The following LAMA4 variants were observed in gnomAD, a reference collection of about 807,000 sequenced individuals.
LAMA4 encodes the protein laminin subunit alpha 4.
In LAMA4, 127 loss-of-function variants were observed where a neutral mutation model predicts 207.1. The ratio of observed to expected loss-of-function variants is 0.61; its 90% CI spans 0.53 to 0.71. LAMA4 has a LOEUF of 0.71. Among genes scored for constraint, LAMA4 ranks in the 30% least tolerant of loss-of-function variants. The pLI is 0.00. For missense variants in LAMA4, 2,093 were observed against 2,246.5 expected (o/e 0.93, Z 1.38); for synonymous variants, 761 against 816.0 (o/e 0.93, Z 1.15).
chr6:112,134,583 C>G lies in LAMA4; in HGVS notation c.3441G>C (p.Lys1147Asn), dbSNP rs60500992. 1.2e-5 allele frequency: 19 copies of G among 1,610,468 alleles called. No homozygotes were observed. The highest frequency in any genetic ancestry group is 1.5e-5 in the Non-Finnish European group (18 of 1,177,438). ...HEISIIYHND[K>N]KMILVVDRRH... ...TTCTGTCAACTACCAAGATCATTTT[C>G]TTATCATTGTGGTAAATGATTGAGA... The change falls in exon 26 of 39, where the codon AAG (lysine) becomes AAC (asparagine). Residue 1147 changes from lysine to asparagine, a missense_variant. Around this residue, in one of 3 missense-constraint regions of LAMA4, gnomAD observed 1,704 missense variants for 1,788.4 expected, o/e 0.95. Transcript: ENST00000230538.
chr6:112,188,107 C>A (rs2114944028), intron 7 of LAMA4, among the ~76,000 whole-genome samples: 1 of 152,310 alleles, frequency 6.6e-6, no homozygotes. Flanking sequence ...GACACACTCA[C>A]AAGGATGGCA....
intron 38 of LAMA4, among the ~76,000 whole-genome samples, chr6:112,110,694 A>G (rs1194679513): frequency 1.3e-5 from 2 of 152,198 alleles, no homozygotes; most frequent in African/African-American, 4.8e-5. Flanking sequence ...TGCTTATAAG[A>G]GGTAGAAACA....
chr6:112,154,042 T>C (rs1193620661), intron 16 of LAMA4, among the ~76,000 whole-genome samples: 1 of 152,140 alleles, frequency 6.6e-6, no homozygotes, highest in African/African-American at 2.4e-5. Context: ...CCTTTGTTTT[T>C]AGGTGGCAGT....
intron 31 of LAMA4, among the ~76,000 whole-genome samples, chr6:112,128,295 G>A (rs560089501): frequency 3.9e-5 from 6 of 152,162 alleles, no homozygotes; most frequent in Non-Finnish European, 2.9e-5. Flanking sequence ...AAACGCGGAT[G>A]AGCCTGGAGG....
intron 5 of LAMA4, among the ~76,000 whole-genome samples, chr6:112,192,562 C>T (rs782002964): frequency 2.0e-4 from 31 of 152,186 alleles, no homozygotes; most frequent in Admixed American, 3.3e-4. Flanking sequence ...TTTAGATATG[C>T]GCACCTACAG....
rs1777524724 is a variant in LAMA4 at position 112,108,133 on chromosome 6, T to G, written c.*1304A>C. On this transcript the variant is annotated 3_prime_UTR_variant, in exon 39 of 39. Coordinates refer to ENST00000230538, the MANE Select transcript of LAMA4 (RefSeq NM_001105206.3). Reference sequence around the variant, plus strand: ...TATATATAATCATTTCAAGGTAACATTGTTTTATTCCCCTTGGTAATTCCT... The same window carrying G: ...TATATATAATCATTTCAAGGTAACAGTGTTTTATTCCCCTTGGTAATTCCT... Among the ~76,000 whole-genome samples, 1 of 152,138 alleles carries G rather than the reference T, an allele frequency of 6.6e-6. No homozygotes were observed. The highest frequency in any genetic ancestry group is 2.4e-5 in the African/African-American group (1 of 41,428).
Position 112,109,370 on chromosome 6 carries a change from T to C in LAMA4, c.*67A>G. The C allele has an allele frequency of 1.9e-6, 3 of 1,578,356 alleles. No individual in the cohort carries two copies. The highest frequency in any genetic ancestry group is 2.6e-6 in the Non-Finnish European group (3 of 1,151,526). ...CCGAAGGAAGAGTTACTGTTCCTCC[T>C]GGCTGGCTTTGTGTTTCTTTCAGTG... On this transcript the variant is annotated 3_prime_UTR_variant, in exon 39 of 39. Coordinates refer to ENST00000230538, the MANE Select transcript of LAMA4 (RefSeq NM_001105206.3).
intron 16 of LAMA4, among the ~76,000 whole-genome samples, chr6:112,153,966 A>C (rs1780548514): frequency 6.6e-6 from 1 of 152,268 alleles, no homozygotes; most frequent in South Asian, 2.1e-4. Flanking sequence ...AGATAAAGAA[A>C]ATGCATGATT....
intron 3 of LAMA4, among the ~76,000 whole-genome samples, chr6:112,210,880 C>T (rs1285566552): frequency 6.6e-6 from 1 of 151,908 alleles, no homozygotes; most frequent in Non-Finnish European, 1.5e-5. Flanking sequence ...TATATTATTG[C>T]TATTTTCAAA....
At chr6:112,199,887 C>A (rs1245875579) in intron 5 of LAMA4, among the ~76,000 whole-genome samples, 1 of 151,910 alleles carries the variant, frequency 6.6e-6, no homozygotes, top group Non-Finnish European at 1.5e-5. Flanking sequence ...GTTTGTGAGC[C>A]CATCTGTGCT....
chr6:112,223,148 A>G (rs908063798), intron 2 of LAMA4, among the ~76,000 whole-genome samples: 1 of 151,676 alleles, frequency 6.6e-6, no homozygotes, highest in South Asian at 2.1e-4. Context: ...CTTCCAAGCT[A>G]TGGTTACACA....
rs565877835 is a variant in LAMA4 at position 112,231,041 on chromosome 6, G to A, written c.196-14572C>T. Among the ~76,000 whole-genome samples the A allele has an allele frequency of 8.5e-5, 13 of 152,276 alleles. No homozygotes were observed. The South Asian group carries it at 1.2e-3, about 15-fold the overall frequency. On this transcript the variant is annotated intron_variant, in intron 2 of 38. Transcript: ENST00000230538. ...GAAAATGATGCTGGAAAACTGTGGC[G>A]TTATTGCTGAAGCTCACACCTCTTT...
chr6:112,112,613 G>A (rs1554321958), intron 38 of LAMA4, among the ~76,000 whole-genome samples: 1 of 152,212 alleles, frequency 6.6e-6, no homozygotes, highest in Non-Finnish European at 1.5e-5. Flanking sequence ...CTGAAGTCAG[G>A]AACAGGGAGA....
chr6:112,254,335 G>A (rs1368845632), intron 1 of LAMA4, 44 bp from the exon 2 acceptor site: 1 of 674,788 alleles, frequency 1.5e-6, no homozygotes, highest in Non-Finnish European at 2.5e-6. Context: ...GAGAGTTCCA[G>A]CCTCTCTCTC....
chr6:112,133,253 A>C, intron 27 of LAMA4, 96 bp downstream of exon 27: 6 of 1,291,464 alleles, frequency 4.6e-6, no homozygotes, highest in African/African-American at 1.5e-5. Context: ...CCCAAGGTGT[A>C]CCTAGGATCA....
intron 2 of LAMA4, among the ~76,000 whole-genome samples, chr6:112,228,653 A>G (rs1429121682): frequency 6.6e-6 from 1 of 152,220 alleles, no homozygotes; most frequent in Non-Finnish European, 1.5e-5. Context: ...AAAGCCAGGG[A>G]AAGCTGGAAC....
chr6:112,216,640 C>T (rs1784641849), intron 2 of LAMA4, 171 bp from the exon 3 acceptor site: 1 of 642,648 alleles, frequency 1.6e-6, no homozygotes, highest in African/African-American at 1.8e-5. Context: ...TACTACCATT[C>T]AGTGATAGAT....
chr6:112,239,494 A>C (rs978049890), intron 2 of LAMA4, among the ~76,000 whole-genome samples: 1 of 152,136 alleles, frequency 6.6e-6, no homozygotes, highest in African/African-American at 2.4e-5. Context: ...TAGCAAAGAG[A>C]TGCCTGCACA....
rs1554354628 is a variant in LAMA4, at chr6:112,207,144, T to G, written c.299A>C (p.His100Pro). The G allele has an allele frequency of 3.1e-6, 5 of 1,613,876 alleles. No homozygotes were observed. Among genetic ancestry groups the G allele is most frequent in the Non-Finnish European group, 4.2e-6 (5 of 1,179,936 alleles). ...CTCTCCTGTTGTGTTCCGCTGGCAGTGCTATGAGACAAAAGACAAGAAGAT... is the reference window on the plus strand; with the variant it reads ...CTCTCCTGTTGTGTTCCGCTGGCAGGGCTATGAGACAAAAGACAAGAAGAT... ...ECLDGSGYCVHCQRNTTGEHC... is the reference protein window; with the variant it reads ...ECLDGSGYCVPCQRNTTGEHC... The change falls in exon 4 of 39, where the codon CAC becomes CCC. Residue 100 changes from histidine to proline, a missense_variant and splice_region_variant. Coordinates refer to ENST00000230538, the MANE Select transcript of LAMA4 (RefSeq NM_001105206.3).
Sources: allele counts gnomAD v4.1 joint callset (sites outside exome capture counted in the v4.1 genomes callset), GRCh38; gene constraint gnomAD v4.1.1; regional missense constraint gnomAD v4.1.1; transcripts MANE v1.5; gene names NCBI Gene and HGNC (gene_info 2026-07-23, HGNC 2026-07-21).